RNF32: variants seen among roughly 807,000 people sequenced by gnomAD.
RNF32 encodes ring finger protein 32.
Under a neutral mutation model 41.0 loss-of-function variants are expected in RNF32, and 36 were observed. That is an observed-to-expected ratio of 0.88 (90% CI 0.67 to 1.16). RNF32 has a LOEUF of 1.16. Ranked by LOEUF, RNF32 falls within the 50% of genes most tolerant of loss-of-function variation. The probability of loss-of-function intolerance (pLI) is 0.00; values close to 1 mark genes in which losing one functional copy is unlikely to be tolerated. For missense variants in RNF32, 413 were observed against 436.7 expected, an observed-to-expected ratio of 0.95 and a Z score of 0.48; for synonymous variants, 154 against 160.9, an observed-to-expected ratio of 0.96 and a Z score of 0.32.
At chr7:156,657,073 CTATT>C (rs1167034766) in intron 4 of RNF32, among the ~76,000 whole-genome samples, 1 of 152,192 alleles carries the variant, frequency 6.6e-6, no homozygotes, top group Non-Finnish European at 1.5e-5. Flanking sequence ...TGATTTGTTG[CTATT>C]TAAATTTAAG....
intron 3 of RNF32, among the ~76,000 whole-genome samples, chr7:156,649,056 C>T (rs934938646): frequency 2.0e-5 from 3 of 152,078 alleles, no homozygotes; most frequent in Non-Finnish European, 4.4e-5. Context: ...GTGTTTTGTT[C>T]TCTCCTTCCA....
chr7:156,659,378 C>T (rs1169014072), intron 7 of RNF32: 1 of 986,190 alleles, frequency 1.0e-6, no homozygotes, highest in Non-Finnish European at 1.2e-6. Flanking sequence ...CTCTGATCTT[C>T]AGAGATCATT....
At chr7:156,647,357 C>T (rs897745664) in intron 3 of RNF32, among the ~76,000 whole-genome samples, 5 of 152,120 alleles carry the variant, frequency 3.3e-5, no homozygotes, top group Admixed American at 6.5e-5. Context: ...TCCCACCCTC[C>T]GCCTCCTGAG....
intron 4 of RNF32, among the ~76,000 whole-genome samples, chr7:156,657,112 A>G (rs1204763213): frequency 6.6e-6 from 1 of 152,166 alleles, no homozygotes; most frequent in Non-Finnish European, 1.5e-5. Context: ...ATCTCAGTAG[A>G]GCTATGATTT....
upstream of RNF32, chr7:156,640,240 C>G (rs1311618169): frequency 2.2e-6 from 1 of 448,618 alleles, no homozygotes. Context: ...AAACTGCCCT[C>G]GACTAACAGC....
Position 156,658,556 on chromosome 7 carries a change from T to A in RNF32, c.670T>A (p.Phe224Ile). ...PPTDAKLRKK[F>I]FEKKFTEISH... The stretch of plus-strand genomic sequence containing the variant: ...CACAGATGCCAAGTTAAGAAAAAAA[T>A]TCTTTGAAAAAAAGGTAGGTAAAGA... The change falls in exon 7 of 9, where the codon TTC (phenylalanine) becomes ATC (isoleucine). Residue 224 changes from phenylalanine (F) to isoleucine (I), a missense_variant. Physicochemically the swap from Phe to Ile is conservative, Grantham distance 21. Coordinates refer to ENST00000317955, the MANE Select transcript of RNF32 (RefSeq NM_030936.4). 10 of 1,609,960 alleles carry A rather than the reference T, an allele frequency of 6.2e-6. No homozygotes were observed. The highest frequency in any genetic ancestry group is 8.5e-6 in the Non-Finnish European group (10 of 1,176,436).
rs532969388 is a variant in RNF32, at chr7:156,652,318, G to A, written c.275-2258G>A. Reference sequence around the variant, plus strand: ...TCACAGTGACGGGATTCGATGTTCTGAGTACTTACTGGGCCCTCTCAAACC... The same window carrying A: ...TCACAGTGACGGGATTCGATGTTCTAAGTACTTACTGGGCCCTCTCAAACC... On this transcript the variant is annotated intron_variant, in intron 3 of 8. Coordinates refer to ENST00000317955, the MANE Select transcript of RNF32 (RefSeq NM_030936.4). Among the ~76,000 whole-genome samples the A allele has an allele frequency of 3.3e-5, 5 of 152,056 alleles. No homozygotes were observed. The East Asian group carries it at 9.7e-4, about 29-fold the overall frequency.
At chr7:156,649,657 A>G (rs1798446678) in intron 3 of RNF32, among the ~76,000 whole-genome samples, 1 of 152,034 alleles carries the variant, frequency 6.6e-6, no homozygotes, top group African/African-American at 2.4e-5. Context: ...TTTTCCTGCA[A>G]CTTTTTAGAT....
chr7:156,660,059 T>A, intron 7 of RNF32: 3 of 985,764 alleles, frequency 3.0e-6, no homozygotes, highest in Non-Finnish European at 3.6e-6. Context: ...CAAATACTGT[T>A]TTTTGTTTTA....
Position 156,654,683 on chromosome 7 carries a change from C to T in RNF32, c.382C>T (p.Pro128Ser). Reference protein sequence around the residue: ...LLQGDSVQPCPICKEEFELRP... With the variant: ...LLQGDSVQPCSICKEEFELRP... ...GCAAGGGGACTCCGTGCAACCATGC[C>T]CCATCTGTAAAGAAGAATTCGAGCT... The change falls in exon 4 of 9, where the codon CCC (proline) becomes TCC (serine). Residue 128 changes from proline to serine, a missense_variant. By Grantham distance (74) the Pro-to-Ser change is moderately conservative (BLOSUM62 -1). Transcript: ENST00000317955. 6.2e-7 allele frequency: 1 copy of T among 1,614,064 alleles called. No individual in the cohort carries two copies. Among genetic ancestry groups the T allele is most frequent in the African/African-American group, 1.3e-5 (1 of 74,984 alleles).
intron 3 of RNF32, among the ~76,000 whole-genome samples, chr7:156,653,039 T>A (rs538237222): frequency 1.3e-5 from 2 of 152,354 alleles, no homozygotes; most frequent in South Asian, 4.1e-4. Context: ...GTAGACTGTT[T>A]ATGATGTCTA....
At chr7:156,662,732 T>A (rs967210040) in intron 7 of RNF32, among the ~76,000 whole-genome samples, 1 of 152,042 alleles carries the variant, frequency 6.6e-6, no homozygotes, top group African/African-American at 2.4e-5. Flanking sequence ...TTGAAATTAC[T>A]TCCTGTAAAA....
intron 8 of RNF32, 72 bp downstream of exon 8, chr7:156,675,935 G>T (rs1017349362): frequency 9.5e-6 from 14 of 1,469,362 alleles, no homozygotes; most frequent in Admixed American, 5.2e-5. Context: ...AGTGGCATGT[G>T]GGGGGAGGTC....
At chr7:156,660,315 G>A (rs767064675) in intron 7 of RNF32, 34 of 981,916 alleles carry the variant, frequency 3.5e-5, no homozygotes, top group Non-Finnish European at 4.1e-5. Context: ...CACCATCTAA[G>A]AGATCAAGAA....
intron 7 of RNF32, among the ~76,000 whole-genome samples, chr7:156,671,375 A>G (rs566848268): frequency 5.7e-4 from 87 of 152,342 alleles, no homozygotes; most frequent in South Asian, 1.0e-3. Context: ...TAATATACAC[A>G]TAAGCTCTTT....
intron 7 of RNF32, among the ~76,000 whole-genome samples, chr7:156,665,044 T>A (rs1228897982): frequency 1.3e-5 from 2 of 152,244 alleles, no homozygotes; most frequent in Non-Finnish European, 2.9e-5. Flanking sequence ...ACTGTGGGTC[T>A]CAGGTTCTCA....
At chr7:156,658,099 A>C in intron 5 of RNF32, 29 bp from the exon 6 acceptor site, 1 of 1,604,224 alleles carries the variant, frequency 6.2e-7, no homozygotes, top group South Asian at 1.1e-5. Context: ...AATTACTTGT[A>C]AAATTTTAAG....
chr7:156,672,086 G>A (rs1802677616), intron 7 of RNF32, among the ~76,000 whole-genome samples: 1 of 152,138 alleles, frequency 6.6e-6, no homozygotes, highest in South Asian at 2.1e-4. Flanking sequence ...TGATTCTTAT[G>A]TATATTAAAA....
intron 7 of RNF32, among the ~76,000 whole-genome samples, chr7:156,665,904 A>G (rs909003580): frequency 6.6e-6 from 1 of 152,382 alleles, no homozygotes; most frequent in South Asian, 2.1e-4. Flanking sequence ...CCAGAAAAGA[A>G]AAAAGTACCT....
Sources: allele counts gnomAD v4.1 joint callset (sites outside exome capture counted in the v4.1 genomes callset), GRCh38; gene constraint gnomAD v4.1.1; transcripts MANE v1.5; gene names NCBI Gene and HGNC (gene_info 2026-07-23, HGNC 2026-07-21).